RIBC2: variants seen among roughly 807,000 people sequenced by gnomAD.
RIBC2 encodes RIB43A-like with coiled-coils protein 2.
RIBC2 carries 40 observed loss-of-function variants against 44.3 expected under a neutral mutation model. The ratio of observed to expected loss-of-function variants is 0.90; its 90% confidence interval spans 0.70 to 1.18. The LOEUF (loss-of-function observed/expected upper bound fraction) is 1.18. Among genes scored for constraint, RIBC2 ranks in the 50% most tolerant of loss-of-function variants. The pLI, the probability that RIBC2 is intolerant of heterozygous loss-of-function variation, is 0.00. For missense variants in RIBC2, 459 were observed against 485.5 expected (o/e 0.95, Z 0.51); for synonymous variants, 171 against 175.0 (o/e 0.98, Z 0.18).
At chr22:45,428,498 C>T (rs565890811) in intron 5 of RIBC2, among the ~76,000 whole-genome samples, 1 of 152,038 alleles carries the variant, frequency 6.6e-6, no homozygotes, top group South Asian at 2.1e-4. Context: ...TGCAGGAGAG[C>T]GAGGGACATG....
At chr22:45,421,565 T>G (rs1347532301) in intron 3 of RIBC2, among the ~76,000 whole-genome samples, 2 of 116,874 alleles carry the variant, frequency 1.7e-5, no homozygotes, top group Non-Finnish European at 3.5e-5. Context: ...AATAGTATTA[T>G]TAATAATAGT....
At position 45,417,871 on chromosome 22, in the gene RIBC2, G is replaced by C. The variant is rs2146875310; in HGVS notation, c.481G>C (p.Glu161Gln). 2 of 1,614,064 alleles carry C rather than the reference G, an allele frequency of 1.2e-6. No individual in the cohort carries two copies. Among genetic ancestry groups the C allele is most frequent in the East Asian group, 2.2e-5 (1 of 44,882 alleles). ...CTTCCATGAGAGGAAGAAATTCCAAGAGGAACAAAACAGAGAATGGTCTTT... is the reference window on the plus strand; with the variant it reads ...CTTCCATGAGAGGAAGAAATTCCAACAGGAACAAAACAGAGAATGGTCTTT... The part of the protein sequence containing the change: ...LNFHERKKFQ[E>Q]EQNREWSLQQ... Residue 161 changes from glutamate (E) to glutamine (Q), a missense_variant, in exon 3 of 7, where the codon GAG becomes CAG. Physicochemically the swap from Glu to Gln is conservative, Grantham distance 29 (BLOSUM62 2). Transcript: ENST00000614167.
intron 4 of RIBC2, among the ~76,000 whole-genome samples, chr22:45,423,443 T>C (rs2087505546): frequency 6.6e-6 from 1 of 152,180 alleles, no homozygotes; most frequent in Non-Finnish European, 1.5e-5. Context: ...GCAGGATCTG[T>C]GGGAGAGCAG....
At chr22:45,428,136 C>T (rs766858705) in intron 5 of RIBC2, among the ~76,000 whole-genome samples, 4 of 152,200 alleles carry the variant, frequency 2.6e-5, no homozygotes. Context: ...CTGGGTCAAA[C>T]GCTGCTGCCA....
intron 4 of RIBC2, among the ~76,000 whole-genome samples, chr22:45,423,317 C>A (rs1164226768): frequency 6.6e-6 from 1 of 151,872 alleles, no homozygotes; most frequent in Non-Finnish European, 1.5e-5. Flanking sequence ...CTCTCCCTCC[C>A]CCCACAAGGT....
rs1249446229 is a variant in RIBC2 at position 45,431,008 on chromosome 22, G to A, written c.1012G>A (p.Asp338Asn). The A allele has an allele frequency of 6.9e-6, 11 of 1,590,208 alleles. No individual in the cohort carries two copies. Among genetic ancestry groups the A allele is most frequent in the African/African-American group, 5.4e-5 (4 of 74,016 alleles). The part of the protein sequence containing the change: ...FERQQWRRQR[D>N]LRRALDSSNL... ...GCGGCAGCAGTGGCGGCGGCAGCGC[G>A]ACCTGCGCAGAGCTCTGGACAGCAG... is the stretch of plus-strand genomic sequence containing the variant. Residue 338 changes from aspartate (D) to asparagine (N), a missense_variant, in exon 6 of 7, where the codon GAC becomes AAC. Coordinates refer to ENST00000614167, the MANE Select transcript of RIBC2 (RefSeq NM_015653.5).
chr22:45,422,793 A>C (rs1441490187), intron 4 of RIBC2, among the ~76,000 whole-genome samples: 1 of 152,064 alleles, frequency 6.6e-6, no homozygotes, highest in African/African-American at 2.4e-5. Flanking sequence ...CTTTACTGAG[A>C]ACAGCTACTT....
intron 5 of RIBC2, among the ~76,000 whole-genome samples, chr22:45,429,899 G>A (rs965544555): frequency 6.6e-6 from 1 of 152,162 alleles, no homozygotes; most frequent in Admixed American, 6.6e-5. Context: ...CTGGGTCCTT[G>A]CCTCCATCCC....
chr22:45,419,694 C>T (rs1283574549), intron 3 of RIBC2, among the ~76,000 whole-genome samples: 1 of 150,360 alleles, frequency 6.7e-6, no homozygotes, highest in Non-Finnish European at 1.5e-5. Flanking sequence ...GATTGTGCCA[C>T]CGCCCTCCAG....
intron 5 of RIBC2, among the ~76,000 whole-genome samples, chr22:45,430,492 G>A (rs901143999): frequency 1.3e-5 from 2 of 152,184 alleles, no homozygotes; most frequent in African/African-American, 4.8e-5. Context: ...TCTGCGTTCA[G>A]CTGTGGGGCA....
chr22:45,419,637 G>A (rs1296892415), intron 3 of RIBC2, among the ~76,000 whole-genome samples: 1 of 152,020 alleles, frequency 6.6e-6, no homozygotes, highest in Non-Finnish European at 1.5e-5. Context: ...AGGAGGCTGA[G>A]GCAGGAGGAT....
At chr22:45,425,639 C>T (rs1472303322) in intron 4 of RIBC2, among the ~76,000 whole-genome samples, 6 of 152,190 alleles carry the variant, frequency 3.9e-5, no homozygotes, top group African/African-American at 1.2e-4. Flanking sequence ...CAGGCCCACG[C>T]GGGGTGTCGG....
chr22:45,421,577 T>G (rs1392166601), intron 3 of RIBC2, among the ~76,000 whole-genome samples: 2 of 141,640 alleles, frequency 1.4e-5, no homozygotes, highest in Non-Finnish European at 3.0e-5. Context: ...AATAATAGTA[T>G]TATTAATAAT....
At chr22:45,419,604 T>C (rs984515173) in intron 3 of RIBC2, among the ~76,000 whole-genome samples, 12 of 152,094 alleles carry the variant, frequency 7.9e-5, no homozygotes, top group African/African-American at 2.9e-4. Context: ...CATGGTGTCG[T>C]GCCCATGTAG....
At chr22:45,421,111 C>G (rs963446771) in intron 3 of RIBC2, among the ~76,000 whole-genome samples, 4 of 151,938 alleles carry the variant, frequency 2.6e-5, no homozygotes, top group Non-Finnish European at 5.9e-5. Context: ...GCCTGGCCAA[C>G]ATGGTGAAAC....
intron 6 of RIBC2, among the ~76,000 whole-genome samples, chr22:45,431,278 C>T (rs949131183): frequency 3.3e-5 from 5 of 152,146 alleles, no homozygotes; most frequent in African/African-American, 1.2e-4. Flanking sequence ...GGGTGGAGGG[C>T]ACCGGAAAGC....
rs1269564279 is a variant in RIBC2 at position 45,417,849 on chromosome 22, C to T, written c.459C>T (p.Phe153=). 1.2e-6 allele frequency: 2 copies of T among 1,614,078 alleles called. No homozygotes were observed. The highest frequency in any genetic ancestry group is 3.3e-5 in the Admixed American group (2 of 60,010). Residue 153 remains phenylalanine (F), a synonymous_variant, in exon 3 of 7, where the codon TTC becomes TTT. Transcript: ENST00000614167. ...MQKFMGEDLN[F]HERKKFQEEQ... ...AATTCATGGGAGAGGATTTAAACTT[C>T]CATGAGAGGAAGAAATTCCAAGAGG...
chr22:45,420,470 C>T (rs1348429266), intron 3 of RIBC2, among the ~76,000 whole-genome samples: 1 of 152,166 alleles, frequency 6.6e-6, no homozygotes, highest in Non-Finnish European at 1.5e-5. Flanking sequence ...CATCCATCTC[C>T]CAAGTGGTCT....
In RIBC2 at chr22:45,413,998, A is replaced by T. The variant is rs1451684771; in HGVS notation, c.112A>T (p.Arg38Ter). 1.9e-6 allele frequency: 3 copies of T among 1,551,584 alleles called. No individual in the cohort carries two copies. The highest frequency in any genetic ancestry group is 2.6e-6 in the Non-Finnish European group (3 of 1,146,920). ...LCRQKRVFNA[R>*]NRIIGGDTEA... Reference sequence around the variant, plus strand: ...CAGGCAGAAGCGGGTCTTCAACGCCAGAAACAGGATAATTGGGGTGAAAGG... The same window carrying T: ...CAGGCAGAAGCGGGTCTTCAACGCCTGAAACAGGATAATTGGGGTGAAAGG... The change falls in exon 1 of 7, where the codon AGA becomes TGA. Residue 38 changes from arginine to a stop codon, truncating the protein, a stop_gained. Coordinates refer to ENST00000614167, the MANE Select transcript of RIBC2 (RefSeq NM_015653.5). LOFTEE classifies it high-confidence loss of function.
Sources: allele counts gnomAD v4.1 joint callset (sites outside exome capture counted in the v4.1 genomes callset), GRCh38; gene constraint gnomAD v4.1.1; transcripts MANE v1.5; gene names NCBI Gene and HGNC (gene_info 2026-07-23, HGNC 2026-07-21).